The following ECE1 variants were observed in gnomAD, a reference collection of about 807,000 sequenced individuals.
ECE1 encodes the protein endothelin converting enzyme 1.
In ECE1, 35 loss-of-function variants were observed where a neutral mutation model predicts 98.6. That is an observed-to-expected ratio of 0.35 (90% CI 0.27 to 0.47). The LOEUF (loss-of-function observed/expected upper bound fraction) is 0.47, where lower values mean the gene tolerates loss of function less well. Among genes scored for constraint, ECE1 ranks in the 20% least tolerant of loss-of-function variants. The pLI, the probability that ECE1 is intolerant of heterozygous loss-of-function variation, is 1.00. For synonymous variants in ECE1, 394 were observed against 407.1 expected (o/e 0.97, Z 0.39); for missense variants, 814 against 1,025.3 (o/e 0.79, Z 2.81).
chr1:21,237,451 C>T (rs1029800050), intron 11 of ECE1, among the ~76,000 whole-genome samples: 2 of 152,148 alleles, frequency 1.3e-5, no homozygotes, highest in African/African-American at 4.8e-5. Context: ...CCCAGCTGCT[C>T]ACAGGCCAGT....
chr1:21,336,661 G>A (rs1174183999), intron 1 of ECE1, among the ~76,000 whole-genome samples: 1 of 152,192 alleles, frequency 6.6e-6, no homozygotes, highest in Non-Finnish European at 1.5e-5. Context: ...GGCTAACACA[G>A]TGAAACCCTG....
At chr1:21,292,455 A>G (rs911640168), upstream of ECE1, among the ~76,000 whole-genome samples, 19 of 152,216 alleles carry the variant, frequency 1.2e-4, no homozygotes, top group Non-Finnish European at 2.4e-4. Context: ...TCAGCCTACC[A>G]GCTCCTCAAA....
At chr1:21,249,321 C>A (rs2098208972) in intron 8 of ECE1, among the ~76,000 whole-genome samples, 3 of 150,266 alleles carry the variant, frequency 2.0e-5, no homozygotes, top group Admixed American at 2.0e-4. Flanking sequence ...CCAGCCTGGG[C>A]AACAGAGCGA....
chr1:21,261,233 G>A (rs996149926), intron 4 of ECE1, among the ~76,000 whole-genome samples: 2 of 152,128 alleles, frequency 1.3e-5, no homozygotes, highest in African/African-American at 2.4e-5. Context: ...TGCCTCCTCT[G>A]GGAAACTCAC....
chr1:21,326,483 G>A (rs989373300), intron 1 of ECE1, among the ~76,000 whole-genome samples: 2 of 152,118 alleles, frequency 1.3e-5, no homozygotes, highest in African/African-American at 4.8e-5. Flanking sequence ...AGAAGAAGGT[G>A]CCTAAGCAGG....
intron 10 of ECE1, among the ~76,000 whole-genome samples, chr1:21,244,306 G>A (rs761455007): frequency 1.3e-5 from 2 of 152,182 alleles, no homozygotes; most frequent in African/African-American, 2.4e-5. Flanking sequence ...GTGGGCTCTC[G>A]GGGTACAGAC....
chr1:21,241,962 T>C (rs980654701), intron 10 of ECE1, among the ~76,000 whole-genome samples: 1 of 152,128 alleles, frequency 6.6e-6, no homozygotes, highest in Non-Finnish European at 1.5e-5. Context: ...CTGACCTGGC[T>C]GCAATTTTTT....
At chr1:21,236,051 G>A in intron 12 of ECE1, 124 bp from the exon 13 acceptor site, 1 of 899,222 alleles carries the variant, frequency 1.1e-6, no homozygotes, top group Non-Finnish European at 1.9e-6. Flanking sequence ...CCTGCCTTGG[G>A]CTTTCATGTC....
intron 8 of ECE1, among the ~76,000 whole-genome samples, chr1:21,251,626 C>T (rs926492350): frequency 5.2e-4 from 79 of 152,192 alleles, no homozygotes; most frequent in Admixed American, 3.3e-4. Context: ...ATGTGCGCAG[C>T]GGACTTGGGG....
intron 2 of ECE1, among the ~76,000 whole-genome samples, chr1:21,289,090 G>A (rs568142214): frequency 2.8e-4 from 43 of 152,274 alleles, no homozygotes; most frequent in Non-Finnish European, 5.1e-4. Flanking sequence ...GCAACTAAGC[G>A]TCCATTCATC....
At chr1:21,285,561 A>C (rs532110473) in intron 2 of ECE1, among the ~76,000 whole-genome samples, 1 of 152,072 alleles carries the variant, frequency 6.6e-6, no homozygotes, top group African/African-American at 2.4e-5. Context: ...ATGACGGCTC[A>C]TATCTGTAAT....
At chr1:21,312,963 A>C (rs1638760771) in intron 1 of ECE1, among the ~76,000 whole-genome samples, 1 of 152,174 alleles carries the variant, frequency 6.6e-6, no homozygotes, top group Admixed American at 6.5e-5. Context: ...AAATACTATC[A>C]TTGTCTCTCA....
At chr1:21,284,162 G>A (rs1401203049) in intron 2 of ECE1, among the ~76,000 whole-genome samples, 2 of 152,248 alleles carry the variant, frequency 1.3e-5, no homozygotes, top group Non-Finnish European at 2.9e-5. Flanking sequence ...CCTCCTTCAT[G>A]GGACTGTGGA....
intron 15 of ECE1, 95 bp downstream of exon 15, chr1:21,227,836 G>C (rs2098176274): frequency 6.1e-6 from 6 of 989,746 alleles, no homozygotes; most frequent in Non-Finnish European, 9.1e-6. Flanking sequence ...AAGCACTGGG[G>C]CAAAGATCAC....
intron 8 of ECE1, 32 bp from the exon 9 acceptor site, chr1:21,247,395 G>T (rs761821641): frequency 6.2e-7 from 1 of 1,614,116 alleles, no homozygotes; most frequent in African/African-American, 1.3e-5. Context: ...TGACCCTGTG[G>T]GGCTGCTCCT....
intron 4 of ECE1, among the ~76,000 whole-genome samples, chr1:21,265,415 C>T (rs1316813672): frequency 6.6e-6 from 1 of 152,088 alleles, no homozygotes; most frequent in Non-Finnish European, 1.5e-5. Flanking sequence ...GCTTGTAGTC[C>T]CAGCTACTCG....
intron 17 of ECE1, 115 bp from the exon 18 acceptor site, chr1:21,221,957 G>T (rs28368045): frequency 4.3e-6 from 4 of 931,376 alleles, no homozygotes; most frequent in Non-Finnish European, 5.3e-6. Flanking sequence ...AGTTTCTGGG[G>T]ATCTGGGCCT....
intron 2 of ECE1, among the ~76,000 whole-genome samples, chr1:21,280,851 G>A (rs559923529): frequency 6.6e-6 from 1 of 152,216 alleles, no homozygotes; most frequent in Admixed American, 6.5e-5. Context: ...AGAGATGGAG[G>A]AACACAAGCA....
chr1:21,311,935 C>A (rs213008), intron 1 of ECE1, among the ~76,000 whole-genome samples: 17 of 149,840 alleles, frequency 1.1e-4, no homozygotes, highest in African/African-American at 3.9e-4. Flanking sequence ...ACCAGCCTGG[C>A]CAAATGGTGA....
Sources: gnomAD v4.1 joint callset for allele counts (sites outside exome capture counted in the v4.1 genomes callset) on GRCh38, gnomAD v4.1.1 for gene constraint, MANE v1.5 for transcripts, NCBI Gene and HGNC (gene_info 2026-07-23, HGNC 2026-07-21) for gene names.